Variants in GAS2L1 observed in about 807,000 individuals in gnomAD.
The protein encoded by GAS2L1 is growth arrest specific 2 like 1.
Under a neutral mutation model 44.0 loss-of-function variants are expected in GAS2L1, and 26 were observed. The ratio of observed to expected loss-of-function variants is 0.59; its 90% confidence interval spans 0.43 to 0.82. GAS2L1 has a LOEUF of 0.82. Among genes scored for constraint, GAS2L1 ranks in the 40% least tolerant of loss-of-function variants. The pLI, the probability that GAS2L1 is intolerant of heterozygous loss-of-function variation, is 0.00. For missense variants in GAS2L1, 1,006 were observed against 983.0 expected (o/e 1.02, Z -0.31); for synonymous variants, 426 against 415.9 (o/e 1.02, Z -0.30).
intron 1 of GAS2L1, among the ~76,000 whole-genome samples, 197 bp downstream of exon 2, chr22:29,308,935 G>A (rs988481808): frequency 6.6e-6 from 1 of 152,232 alleles, no homozygotes; most frequent in Admixed American, 6.5e-5. Flanking sequence ...GGGAGGTGCC[G>A]GGGAGATGAC....
chr22:29,308,135 C>T (rs11090564), exon 1 of GAS2L1: 580,507 of 1,558,976 alleles, frequency 0.37, 110,862 homozygotes, highest in Admixed American at 0.48. Context: ...GCATCGCGGG[C>T]TCGGCGGCCA....
exon 1 of GAS2L1, chr22:29,307,059 T>A (rs920627534): frequency 6.6e-6 from 1 of 151,842 alleles, no homozygotes; most frequent in Non-Finnish European, 1.5e-5. Context: ...GCGGGACGCA[T>A]AGAGCTGCGG....
Position 29,308,673 on chromosome 22 carries a change from G to T in GAS2L1, c.568G>T (p.Ala190Ser). Reference sequence around the variant, plus strand: ...GGAGGACACCACTGAAACCGCCCCCGCACCAGGGACTCCTGCCCGCGGCCC... The same window carrying T: ...GGAGGACACCACTGAAACCGCCCCCTCACCAGGGACTCCTGCCCGCGGCCC... Residue 190 changes from alanine to serine, a missense_variant, in exon 1 of 5, where the codon GCA becomes TCA. By Grantham distance (99) the Ala-to-Ser change is moderately conservative. Coordinates refer to ENST00000618518, the Ensembl canonical transcript of GAS2L1. The T allele has an allele frequency of 3.3e-6, 5 of 1,521,966 alleles. No homozygotes were observed. Among genetic ancestry groups the T allele is most frequent in the Non-Finnish European group, 4.4e-6 (5 of 1,135,402 alleles). 94.3% of individuals were successfully genotyped at this position (1,521,966 alleles called of 1,614,324 possible). A position where few individuals can be genotyped will look rare whatever the true frequency, so the allele number is the denominator to read the frequency against.
exon 5 of GAS2L1, chr22:29,311,473 A>C: frequency 1.4e-6 from 2 of 1,383,480 alleles, no homozygotes; most frequent in South Asian, 1.3e-5. Context: ...CCCCGGGATC[A>C]GCTGCCCCCC....
Position 29,308,113 on chromosome 22 carries a change from A to AC in GAS2L1, c.11dup (p.Val5SerfsTer19). On this transcript the variant is annotated frameshift_variant, in exon 1 of 5. Transcript: ENST00000618518. LOFTEE classifies it high-confidence loss of function. ...GACTCGGCCGGTCCGGGCATGGCAG[A>AC]CCCAGTGGCGGGCATCGCGGGCTCG... 1 of 1,562,574 alleles carries AC rather than the reference A, an allele frequency of 6.4e-7. No homozygotes were observed. Among genetic ancestry groups the AC allele is most frequent in the Non-Finnish European group, 8.7e-7 (1 of 1,149,180 alleles).
chr22:29,311,754 C>A, exon 5 of GAS2L1: 1 of 1,536,282 alleles, frequency 6.5e-7, no homozygotes. Flanking sequence ...CCGGCGGGCC[C>A]GGAGCCAGAG....
At chr22:29,308,180 C>T (rs1046843870) in exon 1 of GAS2L1, 21 of 1,605,990 alleles carry the variant, frequency 1.3e-5, no homozygotes, top group Non-Finnish European at 1.7e-5. Context: ...GTGAGGCCTA[C>T]GTGGAGGCCA....
exon 5 of GAS2L1, chr22:29,312,567 C>T: frequency 8.3e-7 from 1 of 1,197,730 alleles, no homozygotes; most frequent in Non-Finnish European, 1.1e-6. Flanking sequence ...CCTTCTGCAT[C>T]AGGGAGCCCC....
chr22:29,308,985 C>A (rs933509407), intron 1 of GAS2L1, among the ~76,000 whole-genome samples: 5 of 152,264 alleles, frequency 3.3e-5, no homozygotes, highest in African/African-American at 1.2e-4. Flanking sequence ...GGGCTCCTGG[C>A]ACGATCTTCC....
rs957090698 is a variant in GAS2L1, at chr22:29,311,058, C to T, written c.1010+60C>T. On this transcript the variant is annotated intron_variant, in intron 4 of 4. Transcript: ENST00000618518. Reference sequence around the variant, plus strand: ...GAGGGTGGGGGGGCGTCAGCCCTGGCCTGCATGATGGGTTGCCTGTGCGCC... The same window carrying T: ...GAGGGTGGGGGGGCGTCAGCCCTGGTCTGCATGATGGGTTGCCTGTGCGCC... 59 of 1,474,320 alleles carry T rather than the reference C, an allele frequency of 4.0e-5. No individual in the cohort carries two copies. In the Admixed American group the frequency reaches 1.1e-3, roughly 27 times the overall value. 91.3% of individuals were successfully genotyped at this position (1,474,320 alleles called of 1,614,324 possible). A position where few individuals can be genotyped will look rare whatever the true frequency, so the allele number is the denominator to read the frequency against.
intron 1 of GAS2L1, among the ~76,000 whole-genome samples, chr22:29,309,988 C>T (rs1275244273): frequency 3.9e-5 from 6 of 152,056 alleles, no homozygotes; most frequent in Admixed American, 6.5e-5. Context: ...GTGGGCCGGG[C>T]GTGGTGGCTC....
exon 3 of GAS2L1, chr22:29,310,692 C>T (rs2061394386): frequency 1.9e-6 from 3 of 1,609,024 alleles, no homozygotes; most frequent in Non-Finnish European, 8.5e-7. Context: ...CACGCTGGAG[C>T]ATTACCTGGA....
At position 29,312,489 on chromosome 22, in the gene GAS2L1, TG is replaced by T; in HGVS notation, c.2040del (p.Trp680Ter). On this transcript the variant is annotated frameshift_variant, in exon 5 of 5. Coordinates refer to ENST00000618518, the Ensembl canonical transcript of GAS2L1. LOFTEE classifies it high-confidence loss of function. ...CACCCCGAGGGCTGAGCCAGATTCC[TG>T]GATGTGATGGACCAGCTCAGCTGTC... The T allele has an allele frequency of 6.6e-7, 1 of 1,507,836 alleles. No individual in the cohort carries two copies. Among genetic ancestry groups the T allele is most frequent in the Non-Finnish European group, 8.9e-7 (1 of 1,127,430 alleles). The allele number at this position is 1,507,836 out of a possible 1,614,324, so 93.4% of individuals were successfully genotyped here. A position where few individuals can be genotyped will look rare whatever the true frequency, so the allele number is the denominator to read the frequency against.
chr22:29,310,549 A>G lies in GAS2L1; in HGVS notation c.741+3A>G. On this transcript the variant is annotated splice_donor_region_variant and intron_variant, in intron 2 of 4. Coordinates refer to ENST00000618518, the Ensembl canonical transcript of GAS2L1. Reference sequence around the variant, plus strand: ...CGAGCCTGCTCATCTTTGTGCGGGTAAGGGCCTGGGGCCGCCCCAGCGGGC... The same window carrying G: ...CGAGCCTGCTCATCTTTGTGCGGGTGAGGGCCTGGGGCCGCCCCAGCGGGC... 6.3e-7 allele frequency: 1 copy of G among 1,599,836 alleles called. No homozygotes were observed. Among genetic ancestry groups the G allele is most frequent in the Non-Finnish European group, 8.6e-7 (1 of 1,166,928 alleles).
chr22:29,308,722 G>A (rs567152329), exon 1 of GAS2L1: 8 of 1,493,806 alleles, frequency 5.4e-6, no homozygotes, highest in African/African-American at 2.8e-5. Flanking sequence ...AGCGACCTGC[G>A]CAACCTCGAC....
chr22:29,308,721 C>T lies in GAS2L1; in HGVS notation c.616C>T (p.Arg206Cys), dbSNP rs780305998. 46 of 1,494,016 alleles carry T rather than the reference C, an allele frequency of 3.1e-5. No individual in the cohort carries two copies. Among genetic ancestry groups the T allele is most frequent in the Non-Finnish European group, 4.0e-5 (45 of 1,126,454 alleles). The allele number at this position is 1,494,016 out of a possible 1,614,324, so 92.5% of individuals were successfully genotyped here. ...CCCCCGCATGACACCCAGCGACCTG[C>T]GCAACCTCGACGAGCTGGTGAGTCC... Residue 206 changes from arginine to cysteine, a missense_variant, in exon 1 of 5, where the codon CGC becomes TGC. Physicochemically the swap from Arg to Cys is radical, Grantham distance 180. Coordinates refer to ENST00000618518, the Ensembl canonical transcript of GAS2L1.
chr22:29,312,759 C>A lies in GAS2L1; in HGVS notation c.*262C>A, dbSNP rs1367705604. ...TCTGAAGACCTGTGGCCCAGCAGAG[C>A]CTCTGACAGTAAAGTTTTGCTCCAG... On this transcript the variant is annotated 3_prime_UTR_variant, in exon 5 of 5. Coordinates refer to ENST00000618518, the Ensembl canonical transcript of GAS2L1. 2.4e-5 allele frequency: 9 copies of A among 370,362 alleles called. No individual in the cohort carries two copies. The East Asian group carries it at 3.6e-4, about 15-fold the overall frequency. The allele number at this position is 370,362 out of a possible 1,614,324, so 22.9% of individuals were successfully genotyped here. A position where few individuals can be genotyped will look rare whatever the true frequency, so the allele number is the denominator to read the frequency against.
exon 1 of GAS2L1, chr22:29,308,594 G>C (rs755932088): frequency 1.3e-6 from 2 of 1,599,070 alleles, no homozygotes; most frequent in Non-Finnish European, 1.7e-6. Flanking sequence ...TTGAGCAGGA[G>C]ATTGAGCGGG....
Position 29,308,079 on chromosome 22 carries a change from G to GC in GAS2L1, c.-24dup. On this transcript the variant is annotated 5_prime_UTR_variant, in exon 1 of 5. Coordinates refer to ENST00000618518, the Ensembl canonical transcript of GAS2L1. The stretch of plus-strand genomic sequence containing the variant: ...CACAGCGATCCTGAACTGTGTTCCT[G>GC]CCCACAGTGACTCGGCCGGTCCGGG... 6.6e-7 allele frequency: 1 copy of GC among 1,524,534 alleles called. No individual in the cohort carries two copies. Among genetic ancestry groups the GC allele is most frequent in the Non-Finnish European group, 8.8e-7 (1 of 1,133,644 alleles). 94.4% of individuals were successfully genotyped at this position (1,524,534 alleles called of 1,614,324 possible).
Sources: gnomAD v4.1 joint callset for allele counts (sites outside exome capture counted in the v4.1 genomes callset) on GRCh38, gnomAD v4.1.1 for gene constraint, MANE v1.5 for transcripts, NCBI Gene and HGNC (gene_info 2026-07-23, HGNC 2026-07-21) for gene names.